The following ORC4 variants were observed in gnomAD, a reference collection of about 807,000 sequenced individuals.
The protein encoded by ORC4 is origin recognition complex subunit 4.
ORC4 carries 55 observed loss-of-function variants against 63.9 expected under a neutral mutation model. That is an observed-to-expected ratio of 0.86 (90% CI 0.69 to 1.08). The LOEUF is 1.08. Ranked by LOEUF, ORC4 falls within the 50% of genes least tolerant of loss-of-function variation. The pLI, the probability that ORC4 is intolerant of heterozygous loss-of-function variation, is 0.00. For synonymous variants in ORC4, 150 were observed against 168.5 expected, an observed-to-expected ratio of 0.89 and a Z score of 0.85; for missense variants, 511 against 504.4, an observed-to-expected ratio of 1.01 and a Z score of -0.13.
intron 1 of ORC4, among the ~76,000 whole-genome samples, chr2:148,004,406 A>C (rs1692497796): frequency 6.6e-6 from 1 of 152,212 alleles, no homozygotes. Context: ...TACTGGTACC[A>C]AAACAGATAT....
intron 1 of ORC4, among the ~76,000 whole-genome samples, chr2:147,997,458 A>G (rs1224648550): frequency 6.6e-6 from 1 of 152,184 alleles, no homozygotes; most frequent in Admixed American, 6.5e-5. Context: ...TTTATATCTT[A>G]TCTTTCTTTG....
intron 1 of ORC4, among the ~76,000 whole-genome samples, chr2:148,001,645 C>A (rs775216113): frequency 2.6e-5 from 4 of 152,164 alleles, no homozygotes; most frequent in Non-Finnish European, 4.4e-5. Flanking sequence ...GTAACAGCCA[C>A]TGGAAAAACA....
chr2:147,991,618 C>T (rs953683121), intron 1 of ORC4, among the ~76,000 whole-genome samples: 2 of 151,988 alleles, frequency 1.3e-5, no homozygotes, highest in Non-Finnish European at 2.9e-5. Context: ...CACCTGAGTT[C>T]AGGAGTTTGA....
intron 1 of ORC4, among the ~76,000 whole-genome samples, chr2:148,001,086 C>T (rs1280785430): frequency 1.3e-5 from 2 of 152,116 alleles, no homozygotes; most frequent in South Asian, 2.1e-4. Context: ...CCTTGTCCAA[C>T]ATCACAGCCT....
intron 1 of ORC4, among the ~76,000 whole-genome samples, chr2:147,991,295 C>T (rs1213116521): frequency 6.6e-6 from 1 of 152,012 alleles, no homozygotes; most frequent in Admixed American, 6.5e-5. Context: ...ATCCGCCCAC[C>T]TCAGCCTCCC....
At position 147,987,850 on chromosome 2, in the gene ORC4, G is replaced by A. The variant is rs141956929; in HGVS notation, c.-17-11875C>T. On this transcript the variant is annotated intron_variant, in intron 1 of 13. Transcript: ENST00000392857. Reference sequence around the variant, plus strand: ...GGGCAGATCATGAGGTGAGGAGATCGAGACCATCCTGGCTAACATGATGAA... The same window carrying A: ...GGGCAGATCATGAGGTGAGGAGATCAAGACCATCCTGGCTAACATGATGAA... 7.0e-3 allele frequency among the ~76,000 whole-genome samples: 1,065 copies of A among 151,980 alleles called. 10 individuals carry two copies. The highest frequency in any genetic ancestry group is 0.024 in the African/African-American group (1,000 of 41,464).
chr2:147,933,308 C>G lies in ORC4; in HGVS notation c.*2202G>C, dbSNP rs963261161. 3 of 151,920 alleles carry G rather than the reference C, an allele frequency of 2.0e-5. No homozygotes were observed. The highest frequency in any genetic ancestry group is 4.4e-5 in the Non-Finnish European group (3 of 67,982). 9.4% of individuals were successfully genotyped at this position (151,920 alleles called of 1,614,324 possible). On this transcript the variant is annotated 3_prime_UTR_variant, in exon 14 of 14. Coordinates refer to ENST00000392857, the MANE Select transcript of ORC4 (RefSeq NM_181741.4). The stretch of plus-strand genomic sequence containing the variant: ...ATGACAATTAAAGCAATTTAAGAGA[C>G]GAAGTTAGCTCAAAACTCTTGCGAA...
Position 147,992,828 on chromosome 2 carries a change from G to A in ORC4, c.-17-16853C>T, listed in dbSNP as rs148362604. ...CTAGCCACTGAAACTACCATCCCTC[G>A]TCCCCAAGGTAGTCCACAGAAACCA... On this transcript the variant is annotated intron_variant, in intron 1 of 13. Coordinates refer to ENST00000392857, the MANE Select transcript of ORC4 (RefSeq NM_181741.4). 2.0e-3 allele frequency among the ~76,000 whole-genome samples: 300 copies of A among 152,002 alleles called. 1 individual carries two copies. The highest frequency in any genetic ancestry group is 7.0e-3 in the African/African-American group (291 of 41,454).
intron 8 of ORC4, among the ~76,000 whole-genome samples, chr2:147,951,143 G>A (rs1573770915): frequency 6.6e-6 from 1 of 152,114 alleles, no homozygotes; most frequent in Non-Finnish European, 1.5e-5. Context: ...AACAGCACTG[G>A]AAGGAGGACT....
chr2:147,952,375 A>G lies in ORC4; in HGVS notation c.586T>C (p.Leu196=), dbSNP rs1019486617. 11 of 1,597,488 alleles carry G rather than the reference A, an allele frequency of 6.9e-6. No individual in the cohort carries two copies. The highest frequency in any genetic ancestry group is 3.3e-5 in the Admixed American group (2 of 59,908). ...TTTTAATGAACAGAAAGACTTACCA[A>G]TCTACATGTAAGACCAATAACTGCT... ...PIAVIGLTCR[L]DILELLEKRV... is the part of the protein sequence containing the mutation. The change falls in exon 8 of 14, where the codon TTG becomes CTG. Residue 196 remains leucine, a splice_region_variant and synonymous_variant. Coordinates refer to ENST00000392857, the MANE Select transcript of ORC4 (RefSeq NM_181741.4).
chr2:147,983,072 G>A (rs1160119158), intron 1 of ORC4, among the ~76,000 whole-genome samples: 2 of 152,114 alleles, frequency 1.3e-5, no homozygotes, highest in Non-Finnish European at 2.9e-5. Context: ...ACACAAAGAT[G>A]GTGAGGATGT....
chr2:148,021,547 A>G (rs1693731215), upstream of ORC4: 7 of 555,248 alleles, frequency 1.3e-5, no homozygotes, highest in South Asian at 4.6e-5. Context: ...GAGACATCTC[A>G]CTACACCCAG....
In ORC4 at chr2:147,934,551, G is replaced by A. The variant is rs1309752966; in HGVS notation, c.*959C>T. ...CTACGTTCTGAGAAATGTGTCTTTG[G>A]GTGATTTCATCACTGTATGAACATC... On this transcript the variant is annotated 3_prime_UTR_variant, in exon 14 of 14. Coordinates refer to ENST00000392857, the MANE Select transcript of ORC4 (RefSeq NM_181741.4). The A allele has an allele frequency of 6.6e-6, 1 of 151,928 alleles. No homozygotes were observed. Among genetic ancestry groups the A allele is most frequent in the Non-Finnish European group, 1.5e-5 (1 of 67,966 alleles). 9.4% of individuals were successfully genotyped at this position (151,928 alleles called of 1,614,324 possible). A position where few individuals can be genotyped will look rare whatever the true frequency, so the allele number is the denominator to read the frequency against.
At chr2:147,950,108 G>C (rs1030697332) in intron 8 of ORC4, among the ~76,000 whole-genome samples, 1 of 152,106 alleles carries the variant, frequency 6.6e-6, no homozygotes, top group Non-Finnish European at 1.5e-5. Context: ...GAAAAGTATA[G>C]TGCCAGCATG....
At chr2:147,939,331 A>C in intron 10 of ORC4, 83 bp from the exon 11 acceptor site, 1 of 814,684 alleles carries the variant, frequency 1.2e-6, no homozygotes, top group East Asian at 2.5e-5. Context: ...GAATTTGTAT[A>C]GTTAATTCTT....
chr2:148,002,703 C>A (rs1354533294), intron 1 of ORC4, among the ~76,000 whole-genome samples: 1 of 151,876 alleles, frequency 6.6e-6, no homozygotes, highest in Non-Finnish European at 1.5e-5. Context: ...ATTAAAAAAA[C>A]TAGAGAAGCA....
At chr2:148,019,849 A>T (rs1573915256) in intron 1 of ORC4, among the ~76,000 whole-genome samples, 1 of 152,254 alleles carries the variant, frequency 6.6e-6, no homozygotes, top group East Asian at 1.9e-4. Flanking sequence ...AGTTAATTCT[A>T]ATTTTATGAT....
intron 4 of ORC4, among the ~76,000 whole-genome samples, chr2:147,966,821 A>T (rs1167614927): frequency 1.3e-5 from 2 of 152,192 alleles, no homozygotes. Flanking sequence ...AAAAAATTCA[A>T]GCAGAGAAAA....
intron 1 of ORC4, among the ~76,000 whole-genome samples, chr2:148,012,784 T>C (rs1179116472): frequency 6.6e-6 from 1 of 152,066 alleles, no homozygotes; most frequent in Non-Finnish European, 1.5e-5. Flanking sequence ...GCAAAAGATC[T>C]GAGGAGACAT....
Sources: gnomAD v4.1 joint callset for allele counts (sites outside exome capture counted in the v4.1 genomes callset) on GRCh38, gnomAD v4.1.1 for gene constraint, MANE v1.5 for transcripts, NCBI Gene and HGNC (gene_info 2026-07-23, HGNC 2026-07-21) for gene names.